Variants in NPAS3 observed in about 807,000 individuals in gnomAD.
NPAS3 encodes neuronal PAS domain protein 3.
Under a neutral mutation model 73.1 loss-of-function variants are expected in NPAS3, and 14 were observed. The observed-to-expected ratio is 0.19, with a 90% CI of 0.13 to 0.30. The LOEUF is 0.30. Among genes scored for constraint, NPAS3 ranks in the 10% least tolerant of loss-of-function variants. The pLI is 1.00. For missense variants in NPAS3, 1,096 were observed against 1,250.0 expected (o/e 0.88, Z 1.86); for synonymous variants, 620 against 541.5 (o/e 1.14, Z -2.01).
At chr14:33,758,650 T>C (rs2062189954) in intron 7 of NPAS3, among the ~76,000 whole-genome samples, 1 of 152,248 alleles carries the variant, frequency 6.6e-6, no homozygotes, top group Admixed American at 6.5e-5. Flanking sequence ...CATTTAAACA[T>C]TGCATATTTA....
chr14:33,369,285 G>A (rs1040371375), intron 4 of NPAS3, among the ~76,000 whole-genome samples: 11 of 151,064 alleles, frequency 7.3e-5, no homozygotes, highest in Admixed American at 4.6e-4. Flanking sequence ...CCAGACTGGT[G>A]AGTAAACTAG....
intron 3 of NPAS3, among the ~76,000 whole-genome samples, chr14:33,270,800 T>C (rs1200082672): frequency 6.6e-6 from 1 of 152,214 alleles, no homozygotes; most frequent in Non-Finnish European, 1.5e-5. Flanking sequence ...ATGGACGATG[T>C]CCTGTCTGCA....
At chr14:33,230,514 A>T (rs1235309706) in intron 3 of NPAS3, among the ~76,000 whole-genome samples, 3 of 152,232 alleles carry the variant, frequency 2.0e-5, no homozygotes, top group African/African-American at 7.2e-5. Context: ...ATTTTTATTC[A>T]ACAGTACACC....
chr14:33,727,337 G>T (rs933707735), intron 6 of NPAS3, among the ~76,000 whole-genome samples: 1 of 152,054 alleles, frequency 6.6e-6, no homozygotes, highest in African/African-American at 2.4e-5. Flanking sequence ...AGCATTAAAG[G>T]AGACAGCTGC....
chr14:33,124,487 G>C (rs1040922727), intron 2 of NPAS3, among the ~76,000 whole-genome samples: 2 of 152,042 alleles, frequency 1.3e-5, no homozygotes, highest in East Asian at 3.9e-4. Flanking sequence ...AGGGTTGTAA[G>C]GATTAAATTC....
At chr14:33,037,313 C>A (rs1477712561) in intron 1 of NPAS3, among the ~76,000 whole-genome samples, 1 of 151,640 alleles carries the variant, frequency 6.6e-6, no homozygotes, top group Non-Finnish European at 1.5e-5. Flanking sequence ...TTATACTAGC[C>A]AACATATTTG....
chr14:33,340,749 A>G (rs1470546387), intron 3 of NPAS3, among the ~76,000 whole-genome samples: 1 of 152,208 alleles, frequency 6.6e-6, no homozygotes, highest in African/African-American at 2.4e-5. Context: ...GTTTCTACAG[A>G]TACAGTTTTC....
intron 2 of NPAS3, among the ~76,000 whole-genome samples, chr14:33,070,508 C>T (rs753675363): frequency 2.6e-5 from 4 of 152,302 alleles, no homozygotes; most frequent in African/African-American, 7.2e-5. Context: ...CCATCCTATA[C>T]GTCCTAGATG....
At chr14:33,137,972 A>G (rs1389718007) in intron 2 of NPAS3, among the ~76,000 whole-genome samples, 1 of 152,040 alleles carries the variant, frequency 6.6e-6, no homozygotes, top group Non-Finnish European at 1.5e-5. Context: ...TTTAAAATAC[A>G]AGCTCTCCTG....
intron 4 of NPAS3, among the ~76,000 whole-genome samples, chr14:33,471,666 G>C (rs1353769764): frequency 1.3e-5 from 2 of 152,152 alleles, no homozygotes; most frequent in African/African-American, 2.4e-5. Flanking sequence ...AAATCAACGA[G>C]GTAGGTAGAA....
chr14:33,792,843 T>C (rs1279594823), intron 9 of NPAS3, among the ~76,000 whole-genome samples: 2 of 152,194 alleles, frequency 1.3e-5, no homozygotes, highest in African/African-American at 4.8e-5. Context: ...GTGGGCGACG[T>C]AGATGAGTGC....
chr14:32,948,309 T>A (rs2036346634), intron 1 of NPAS3, among the ~76,000 whole-genome samples: 1 of 152,160 alleles, frequency 6.6e-6, no homozygotes, highest in Non-Finnish European at 1.5e-5. Context: ...GTGAAGAATG[T>A]AGAGTAGATA....
At chr14:33,466,876 C>G (rs890391624) in intron 4 of NPAS3, among the ~76,000 whole-genome samples, 38 of 152,140 alleles carry the variant, frequency 2.5e-4, no homozygotes, top group African/African-American at 8.0e-4. Flanking sequence ...GGCCCCACCT[C>G]CGACACTGGG....
intron 2 of NPAS3, among the ~76,000 whole-genome samples, chr14:33,110,547 C>A (rs1047137980): frequency 2.5e-4 from 38 of 152,118 alleles, no homozygotes; most frequent in African/African-American, 7.9e-4. Flanking sequence ...TTTAAGGGTA[C>A]CTTACAGTAC....
rs1272616322 is a variant in NPAS3 at position 33,159,763 on chromosome 14, C to T, written c.141-55419C>T. 2.6e-5 allele frequency among the ~76,000 whole-genome samples: 4 copies of T among 152,062 alleles called. No homozygotes were observed. In the East Asian group the frequency reaches 7.7e-4, roughly 29 times the overall value. ...AGAGACGGGGTTTCACCGTGTTAGC[C>T]AGGATGGTCTCAATGTCCTGACCTC... On this transcript the variant is annotated intron_variant, in intron 2 of 11. Coordinates refer to ENST00000356141, the Ensembl canonical transcript of NPAS3.
intron 3 of NPAS3, among the ~76,000 whole-genome samples, chr14:33,241,027 GAC>G (rs2048198429): frequency 6.6e-6 from 1 of 151,796 alleles, no homozygotes; most frequent in Non-Finnish European, 1.5e-5. Context: ...AATTCCCTTG[GAC>G]CACTGGCATA....
intron 9 of NPAS3, among the ~76,000 whole-genome samples, chr14:33,788,929 G>A (rs375947009): frequency 6.4e-5 from 9 of 141,158 alleles, no homozygotes; most frequent in Non-Finnish European, 9.1e-5. Flanking sequence ...AAGAGACCAG[G>A]TGACATTTTA....
At chr14:33,636,856 T>C (rs2058532946) in intron 5 of NPAS3, among the ~76,000 whole-genome samples, 1 of 151,818 alleles carries the variant, frequency 6.6e-6, no homozygotes, top group African/African-American at 2.4e-5. Flanking sequence ...CATCTTCATT[T>C]CCCTCCTGCT....
chr14:33,734,334 A>G (rs1449043583), intron 6 of NPAS3, among the ~76,000 whole-genome samples: 2 of 152,186 alleles, frequency 1.3e-5, no homozygotes, highest in African/African-American at 2.4e-5. Flanking sequence ...GCTTGTTTTT[A>G]AAGAAAATAG....
Sources: allele counts gnomAD v4.1 joint callset (sites outside exome capture counted in the v4.1 genomes callset), GRCh38; gene constraint gnomAD v4.1.1; transcripts MANE v1.5; gene names NCBI Gene and HGNC (gene_info 2026-07-23, HGNC 2026-07-21).